Variants in ACVR1C observed in about 807,000 individuals in gnomAD.
ACVR1C encodes the protein activin A receptor type 1C.
Under a neutral mutation model 57.9 loss-of-function variants are expected in ACVR1C, and 23 were observed. That is an observed-to-expected ratio of 0.40 (90% CI 0.29 to 0.56). ACVR1C has a LOEUF of 0.56. Among genes scored for constraint, ACVR1C ranks in the 20% least tolerant of loss-of-function variants. The pLI is 0.50. For missense variants in ACVR1C, 480 were observed against 607.9 expected (o/e 0.79, Z 2.21); for synonymous variants, 214 against 215.3 (o/e 0.99, Z 0.05).
intron 8 of ACVR1C, 88 bp from the exon 9 acceptor site, chr2:157,534,131 G>A: frequency 8.6e-7 from 1 of 1,161,558 alleles, no homozygotes; most frequent in Non-Finnish European, 1.1e-6. Context: ...TCCAGGAATT[G>A]ATGCTAAGCT....
intron 3 of ACVR1C, among the ~76,000 whole-genome samples, chr2:157,551,077 T>C (rs574451956): frequency 1.3e-5 from 2 of 152,358 alleles, no homozygotes; most frequent in Admixed American, 6.5e-5. Flanking sequence ...TATGTCAAGA[T>C]GTTTAATATC....
At chr2:157,614,984 A>G (rs192127216) in intron 1 of ACVR1C, among the ~76,000 whole-genome samples, 1 of 152,110 alleles carries the variant, frequency 6.6e-6, no homozygotes, top group East Asian at 1.9e-4. Context: ...CTATACTTAA[A>G]CCATTTACAT....
Position 157,628,733 on chromosome 2 carries a change from C to T in ACVR1C, c.-89G>A, listed in dbSNP as rs1417623658. 63 of 1,200,402 alleles carry T rather than the reference C, an allele frequency of 5.2e-5. No homozygotes were observed. Among genetic ancestry groups the T allele is most frequent in the Non-Finnish European group, 6.9e-5 (62 of 898,590 alleles). The allele number at this position is 1,200,402 out of a possible 1,614,324, so 74.4% of individuals were successfully genotyped here. A position where few individuals can be genotyped will look rare whatever the true frequency, so the allele number is the denominator to read the frequency against. On this transcript the variant is annotated 5_prime_UTR_variant, in exon 1 of 9. Transcript: ENST00000243349. ...ACGGCCCGCTTTGAAGTTCCCGGGC[C>T]GCGGGAGGGGAGCGCGGCACCGACA...
intron 2 of ACVR1C, among the ~76,000 whole-genome samples, chr2:157,562,682 A>C (rs571496427): frequency 3.9e-4 from 59 of 152,136 alleles, no homozygotes; most frequent in African/African-American, 1.4e-3. Flanking sequence ...AGAAAACTTC[A>C]GGCCAATATC....
At chr2:157,553,916 C>T (rs1055993617) in intron 3 of ACVR1C, among the ~76,000 whole-genome samples, 3 of 151,876 alleles carry the variant, frequency 2.0e-5, no homozygotes, top group Admixed American at 6.6e-5. Context: ...GGTGCAGTGG[C>T]TCACACCTGT....
At position 157,628,574 on chromosome 2, in the gene ACVR1C, G is replaced by A. The variant is rs776240640; in HGVS notation, c.71C>T (p.Pro24Leu). The change falls in exon 1 of 9, where the codon CCA (proline) becomes CTA (leucine). Residue 24 changes from proline to leucine, a missense_variant and splice_region_variant. Transcript: ENST00000243349. ...LLLAAAAELS[P>L]GLKCVCLLCD... The stretch of plus-strand genomic sequence containing the variant: ...CGGGAGAGAAACCAGCACCGTACCT[G>A]GCGAGAGCTCGGCGGCCGCTGCGAG... 2 of 1,607,598 alleles carry A rather than the reference G, an allele frequency of 1.2e-6. No individual in the cohort carries two copies. Among genetic ancestry groups the A allele is most frequent in the Admixed American group, 3.3e-5 (2 of 59,720 alleles).
chr2:157,533,212 T>C lies in ACVR1C; in HGVS notation c.*706A>G, dbSNP rs1687400442. The C allele has an allele frequency of 1.3e-5, 2 of 152,228 alleles. No individual in the cohort carries two copies. Among genetic ancestry groups the C allele is most frequent in the Admixed American group, 6.5e-5 (1 of 15,276 alleles). 9.4% of individuals were successfully genotyped at this position (152,228 alleles called of 1,614,324 possible). On this transcript the variant is annotated 3_prime_UTR_variant, in exon 9 of 9. Coordinates refer to ENST00000243349, the MANE Select transcript of ACVR1C (RefSeq NM_145259.3). ...TTGGACCTAGTGCCAGTTCTGCCAT[T>C]AGCTGTGTGACTTCAGGACATTTCT...
Position 157,628,538 on chromosome 2 carries a change from C to T in ACVR1C, c.73+34G>A, listed in dbSNP as rs1413893550. The T allele has an allele frequency of 1.9e-6, 3 of 1,598,020 alleles. No individual in the cohort carries two copies. The Admixed American group carries it at 5.1e-5, about 27-fold the overall frequency. ...CGCAGACCTCCTCCCAGCTCCCACC[C>T]TCGCGGGCGTCGGGAGAGAAACCAG... On this transcript the variant is annotated intron_variant, in intron 1 of 8. Transcript: ENST00000243349.
At chr2:157,585,895 T>C (rs1330368883) in intron 2 of ACVR1C, among the ~76,000 whole-genome samples, 1 of 152,194 alleles carries the variant, frequency 6.6e-6, no homozygotes, top group Non-Finnish European at 1.5e-5. Flanking sequence ...GGTTGCAATA[T>C]ACATGATAAT....
chr2:157,534,703 A>G (rs1449751480), intron 8 of ACVR1C, among the ~76,000 whole-genome samples: 1 of 152,182 alleles, frequency 6.6e-6, no homozygotes, highest in East Asian at 1.9e-4. Flanking sequence ...AAATACTAAG[A>G]GGGGAAAACA....
chr2:157,543,131 C>T (rs893721310), intron 5 of ACVR1C, among the ~76,000 whole-genome samples: 2 of 152,154 alleles, frequency 1.3e-5, no homozygotes, highest in Non-Finnish European at 2.9e-5. Flanking sequence ...CACTAATAAA[C>T]ATTTTTTAAT....
At chr2:157,547,021 T>C (rs1687775867) in intron 4 of ACVR1C, among the ~76,000 whole-genome samples, 2 of 134,268 alleles carry the variant, frequency 1.5e-5, no homozygotes, top group Admixed American at 8.5e-5. Context: ...CCTGTGTCCA[T>C]GTGATCTCAT....
At chr2:157,564,063 T>C (rs1688303401) in intron 2 of ACVR1C, among the ~76,000 whole-genome samples, 1 of 152,108 alleles carries the variant, frequency 6.6e-6, no homozygotes, top group South Asian at 2.1e-4. Context: ...TGGGCAAAGA[T>C]TTCGTGATGA....
At chr2:157,555,044 G>A (rs1688063210) in intron 3 of ACVR1C, among the ~76,000 whole-genome samples, 6 of 149,408 alleles carry the variant, frequency 4.0e-5, no homozygotes, top group Admixed American at 4.0e-4. Flanking sequence ...ACCTTCAAAT[G>A]CTTTGTGTTG....
chr2:157,576,830 A>ATTTTTTTTTTTTTTTTTT (rs1688665585), intron 2 of ACVR1C, among the ~76,000 whole-genome samples: 1 of 68,304 alleles, frequency 1.5e-5, no homozygotes, highest in African/African-American at 7.2e-5. Context: ...GGGCTTTGAA[A>ATTTTTTTTTTTTTTTTTT]TTTTCTTTTT....
At chr2:157,610,874 T>C (rs1267358226) in intron 1 of ACVR1C, among the ~76,000 whole-genome samples, 1 of 152,132 alleles carries the variant, frequency 6.6e-6, no homozygotes, top group Non-Finnish European at 1.5e-5. Context: ...AATTCCTCAG[T>C]TCCAGGATTT....
At chr2:157,604,451 T>C (rs957011805) in intron 1 of ACVR1C, among the ~76,000 whole-genome samples, 4 of 152,048 alleles carry the variant, frequency 2.6e-5, no homozygotes, top group Non-Finnish European at 2.9e-5. Flanking sequence ...TGAATGCATA[T>C]ACAACCATTT....
intron 2 of ACVR1C, among the ~76,000 whole-genome samples, chr2:157,579,888 G>A (rs964516904): frequency 2.0e-5 from 3 of 152,020 alleles, no homozygotes; most frequent in African/African-American, 4.8e-5. Context: ...CATCTAATAG[G>A]TGGGAAAAAT....
At chr2:157,548,959 C>G (rs1687839251) in intron 4 of ACVR1C, among the ~76,000 whole-genome samples, 1 of 152,140 alleles carries the variant, frequency 6.6e-6, no homozygotes. Flanking sequence ...ATGAAAAATA[C>G]AGCCCTAACA....
Sources: gnomAD v4.1 joint callset for allele counts (sites outside exome capture counted in the v4.1 genomes callset) on GRCh38, gnomAD v4.1.1 for gene constraint, MANE v1.5 for transcripts, NCBI Gene and HGNC (gene_info 2026-07-23, HGNC 2026-07-21) for gene names.